The following LGALS9C variants were observed in gnomAD, a reference collection of about 807,000 sequenced individuals.
LGALS9C encodes galectin 9C.
LGALS9C carries 7 observed loss-of-function variants against 41.3 expected under a neutral mutation model. That is an observed-to-expected ratio of 0.17 (90% CI 0.10 to 0.32). LGALS9C has a LOEUF of 0.32. LGALS9C is among the 10% of genes least tolerant of loss of function. The pLI, the probability that LGALS9C is intolerant of heterozygous loss-of-function variation, is 1.00. For synonymous variants in LGALS9C, 44 were observed against 171.0 expected (o/e 0.26, Z 5.80); for missense variants, 102 against 455.2 (o/e 0.22, Z 7.06).
chr17:18,480,239 A>G (rs1567838576), intron 1 of LGALS9C, among the ~76,000 whole-genome samples: 3 of 126,622 alleles, frequency 2.4e-5, no homozygotes, highest in African/African-American at 7.7e-5. Context: ...CAACAAACAA[A>G]CAAACAAAAC....
At chr17:18,490,655 CCTGGAGT>C in intron 5 of LGALS9C, 71 bp from the exon 6 acceptor site, 1 of 467,622 alleles carries the variant, frequency 2.1e-6, no homozygotes, top group Admixed American at 3.7e-5. Context: ...CAAGAGCCTC[CCTGGAGT>C]TCTGCCATCG....
At chr17:18,480,208 C>CAA (rs1186218936) in intron 1 of LGALS9C, among the ~76,000 whole-genome samples, 103 of 85,826 alleles carry the variant, frequency 1.2e-3, no homozygotes, top group Non-Finnish European at 1.7e-3. Context: ...GATCCTGTCT[C>CAA]AAAAAAAAAA....
At chr17:18,485,787 A>T in intron 2 of LGALS9C, 147 bp from the exon 3 acceptor site, 1 of 952,890 alleles carries the variant, frequency 1.0e-6, no homozygotes, top group Non-Finnish European at 1.6e-6. Flanking sequence ...TTAGAGAAAC[A>T]AAAAGGATGC....
In LGALS9C at chr17:18,492,448, T is replaced by C. The variant is rs777179515; in HGVS notation, c.673-9T>C. On this transcript the variant is annotated splice_polypyrimidine_tract_variant and intron_variant, in intron 8 of 10. Coordinates refer to ENST00000328114, the MANE Select transcript of LGALS9C (RefSeq NM_001040078.3). The stretch of plus-strand genomic sequence containing the variant: ...GCCACTGGCTGACCTGTCCCCGTCC[T>C]TCTGACAGCCGATGCCTTTCATCAC... 4 of 1,515,516 alleles carry C rather than the reference T, an allele frequency of 2.6e-6. No homozygotes were observed. In the South Asian group the frequency reaches 4.6e-5, roughly 17 times the overall value. 93.9% of individuals were successfully genotyped at this position (1,515,516 alleles called of 1,614,324 possible).
intron 1 of LGALS9C, among the ~76,000 whole-genome samples, chr17:18,477,820 G>A (rs1363253188): frequency 1.6e-5 from 2 of 127,902 alleles, no homozygotes; most frequent in African/African-American, 5.1e-5. Context: ...TTCCCGAGGG[G>A]CTGGAGTGGG....
At chr17:18,478,252 AG>A (rs1358810376) in intron 1 of LGALS9C, among the ~76,000 whole-genome samples, 2 of 129,000 alleles carry the variant, frequency 1.6e-5, no homozygotes, top group African/African-American at 5.0e-5. Context: ...AGCTTCTTCC[AG>A]GTTCTGACAT....
rs1161696810 is a variant in LGALS9C at position 18,479,498 on chromosome 17, G to A, written c.39+2605G>A. 2.4e-5 allele frequency among the ~76,000 whole-genome samples: 3 copies of A among 127,272 alleles called. 1 individual carries two copies. The highest frequency in any genetic ancestry group is 5.7e-5 in the Non-Finnish European group (3 of 52,316). 83.5% of individuals were successfully genotyped at this position (127,272 alleles called of 152,430 possible). ...CCAGTCCTCTCCAGAACACTGTCGG[G>A]TGGTGTTACTGCCCTGCCATTCAGA... is the stretch of plus-strand genomic sequence containing the variant. On this transcript the variant is annotated intron_variant, in intron 1 of 10. Transcript: ENST00000328114.
At chr17:18,484,035 C>A (rs1989495907) in intron 2 of LGALS9C, 69 bp downstream of exon 2, 1 of 1,268,178 alleles carries the variant, frequency 7.9e-7, no homozygotes, top group African/African-American at 1.5e-5. Context: ...TGCCTGTGAG[C>A]CTCGGCTAGT....
At chr17:18,478,035 G>A (rs1401895465) in intron 1 of LGALS9C, among the ~76,000 whole-genome samples, 1 of 125,832 alleles carries the variant, frequency 7.9e-6, no homozygotes, top group East Asian at 2.0e-4. Context: ...CTCCAGAGAG[G>A]AAGAATGGAG....
At position 18,487,679 on chromosome 17, in the gene LGALS9C, C is replaced by T. The variant is rs3907320; in HGVS notation, c.366C>T (p.Tyr122=). The stretch of plus-strand genomic sequence containing the variant: ...TGAACGGGAGCCTCTTCGTGCAGTA[C>T]TTCCACCGCGTGCCCTTCCACCGTG... ...VMVNGSLFVQ[Y]FHRVPFHRVD... Residue 122 remains tyrosine, a synonymous_variant, in exon 4 of 11, where the codon TAC becomes TAT. Coordinates refer to ENST00000328114, the MANE Select transcript of LGALS9C (RefSeq NM_001040078.3). The T allele has an allele frequency of 0.081, 117,767 of 1,462,098 alleles. 1,676 individuals carry two copies. The highest frequency in any genetic ancestry group is 0.28 in the African/African-American group (16,752 of 59,808). 90.6% of individuals were successfully genotyped at this position (1,462,098 alleles called of 1,614,324 possible). A position where few individuals can be genotyped will look rare whatever the true frequency, so the allele number is the denominator to read the frequency against.
chr17:18,479,372 C>T lies in LGALS9C; in HGVS notation c.39+2479C>T, dbSNP rs534753733. On this transcript the variant is annotated intron_variant, in intron 1 of 10. Transcript: ENST00000328114. Reference sequence around the variant, plus strand: ...AGGCTCAGCACATGGCATCGCACCCCGTCCTCTCAGAACGCTGCCAGCCAG... The same window carrying T: ...AGGCTCAGCACATGGCATCGCACCCTGTCCTCTCAGAACGCTGCCAGCCAG... 3.8e-5 allele frequency among the ~76,000 whole-genome samples: 5 copies of T among 129,898 alleles called. 1 individual carries two copies. The highest frequency in any genetic ancestry group is 4.7e-4 in the South Asian group (2 of 4,246). 85.2% of individuals were successfully genotyped at this position (129,898 alleles called of 152,430 possible). A position where few individuals can be genotyped will look rare whatever the true frequency, so the allele number is the denominator to read the frequency against.
chr17:18,487,916 C>T (rs921335738), intron 4 of LGALS9C, among the ~76,000 whole-genome samples, 159 bp downstream of exon 4: 8 of 142,510 alleles, frequency 5.6e-5, no homozygotes, highest in Non-Finnish European at 1.1e-4. Flanking sequence ...GCCCCTTCTC[C>T]TCTGTCACTC....
rs1395096772 is a variant in LGALS9C, at chr17:18,480,226, AC to A, written c.39+3334del. Among the ~76,000 whole-genome samples, 9 of 124,158 alleles carry A rather than the reference AC, an allele frequency of 7.2e-5. 3 individuals are homozygous for A. Among genetic ancestry groups the A allele is most frequent in the South Asian group, 2.4e-4 (1 of 4,188 alleles). 81.5% of individuals were successfully genotyped at this position (124,158 alleles called of 152,430 possible). Reference sequence around the variant, plus strand: ...CCTGTCTCAAAAAAAAAAAAAAAAAACACAACAAACAAACAAACAAAACCCC... The same window carrying A: ...CCTGTCTCAAAAAAAAAAAAAAAAAAACAACAAACAAACAAACAAAACCCC... On this transcript the variant is annotated intron_variant, in intron 1 of 10. Coordinates refer to ENST00000328114, the MANE Select transcript of LGALS9C (RefSeq NM_001040078.3).
Position 18,492,528 on chromosome 17 carries a change from C to T in LGALS9C, c.744C>T (p.Val248=). 1 of 1,570,190 alleles carries T rather than the reference C, an allele frequency of 6.4e-7. No individual in the cohort carries two copies. Among genetic ancestry groups the T allele is most frequent in the Non-Finnish European group, 8.7e-7 (1 of 1,145,868 alleles). The change falls in exon 9 of 11, where the codon GTC becomes GTT. Residue 248 remains valine, a synonymous_variant. Transcript: ENST00000328114. ...PSKSIILSGT[V]LPSAQRFHIN... ...AGTCCATCATCCTGTCAGGCACTGT[C>T]CTGCCCAGTGCTCAGAGGTAAGCCA...
In LGALS9C at chr17:18,486,054, C is replaced by T. The variant is rs373191943; in HGVS notation, c.252C>T (p.Pro84=). 1.6e-4 allele frequency: 199 copies of T among 1,278,668 alleles called. 45 individuals are homozygous for T. In the South Asian group the frequency reaches 2.0e-3, roughly 13 times the overall value. The allele number at this position is 1,278,668 out of a possible 1,614,324, so 79.2% of individuals were successfully genotyped here. Residue 84 remains proline (P), a synonymous_variant, in exon 3 of 11, where the codon CCC becomes CCT. Coordinates refer to ENST00000328114, the MANE Select transcript of LGALS9C (RefSeq NM_001040078.3). ...CNTRQKGTWG[P]EERKMHMPFQ... is the part of the protein sequence containing the mutation. ...CGAGGCAGAAAGGAACATGGGGGCC[C>T]GAGGAGAGGAAGATGCACATGCCCT... is the stretch of plus-strand genomic sequence containing the variant.
At position 18,483,425 on chromosome 17, in the gene LGALS9C, C is replaced by T. The variant is rs1344656513; in HGVS notation, c.40-450C>T. On this transcript the variant is annotated intron_variant, in intron 1 of 10. Coordinates refer to ENST00000328114, the MANE Select transcript of LGALS9C (RefSeq NM_001040078.3). ...TGATGGGCCCCTTTGTTCCCTTGGG[C>T]CTCCTGAGTCCCCAGCCAGGGCGCT... Among the ~76,000 whole-genome samples, 53 of 116,772 alleles carry T rather than the reference C, an allele frequency of 4.5e-4. 13 individuals are homozygous for T. Among genetic ancestry groups the T allele is most frequent in the Non-Finnish European group, 9.7e-4 (47 of 48,214 alleles). 76.6% of individuals were successfully genotyped at this position (116,772 alleles called of 152,430 possible).
chr17:18,492,983 A>G lies in LGALS9C; in HGVS notation c.924+124A>G, dbSNP rs1281679351. 4.2e-6 allele frequency: 5 copies of G among 1,190,342 alleles called. No individual in the cohort carries two copies. The African/African-American group carries it at 5.8e-5, about 14-fold the overall frequency. 73.7% of individuals were successfully genotyped at this position (1,190,342 alleles called of 1,614,324 possible). A position where few individuals can be genotyped will look rare whatever the true frequency, so the allele number is the denominator to read the frequency against. ...CCTCTGGGATGAGGGCCCAGAAGAA[A>G]AGGTGGCCAAAAAATTATTGTCATT... On this transcript the variant is annotated intron_variant, in intron 10 of 10. Coordinates refer to ENST00000328114, the MANE Select transcript of LGALS9C (RefSeq NM_001040078.3).
At chr17:18,478,483 C>A (rs1226439266) in intron 1 of LGALS9C, among the ~76,000 whole-genome samples, 1 of 122,542 alleles carries the variant, frequency 8.2e-6, no homozygotes, top group South Asian at 2.6e-4. Context: ...ACCCATCTGG[C>A]AGTCGGAGTC....
intron 1 of LGALS9C, among the ~76,000 whole-genome samples, chr17:18,481,958 C>T (rs1266576902): frequency 1.4e-5 from 2 of 147,850 alleles, no homozygotes; most frequent in Non-Finnish European, 3.1e-5. Context: ...TTCAAACATG[C>T]AGAGAGAATT....
Sources: gnomAD v4.1 joint callset for allele counts (sites outside exome capture counted in the v4.1 genomes callset) on GRCh38, gnomAD v4.1.1 for gene constraint, MANE v1.5 for transcripts, NCBI Gene and HGNC (gene_info 2026-07-23, HGNC 2026-07-21) for gene names.